The following SHROOM3 variants were observed in gnomAD, a reference collection of about 807,000 sequenced individuals.
SHROOM3 encodes the protein protein Shroom3.
Under a neutral mutation model 138.6 loss-of-function variants are expected in SHROOM3, and 47 were observed. That is an observed-to-expected ratio of 0.34 (90% CI 0.27 to 0.43). The LOEUF is 0.43. SHROOM3 is among the 20% of genes least tolerant of loss of function. The pLI, the probability that SHROOM3 is intolerant of heterozygous loss-of-function variation, is 1.00. For missense variants in SHROOM3, 2,491 were observed against 2,596.5 expected (o/e 0.96, Z 0.88); for synonymous variants, 1,062 against 1,063.3 (o/e 1.00, Z 0.02).
chr4:76,472,841 T>C (rs1310591719), intron 1 of SHROOM3, among the ~76,000 whole-genome samples: 1 of 152,058 alleles, frequency 6.6e-6, no homozygotes, highest in Non-Finnish European at 1.5e-5. Flanking sequence ...ACTACAGACA[T>C]GTGCCGCCAT....
At chr4:76,770,971 G>A (rs1401193030) in intron 10 of SHROOM3, 73 bp downstream of exon 10, 16 of 1,573,964 alleles carry the variant, frequency 1.0e-5, no homozygotes, top group Admixed American at 1.7e-5. Context: ...GCCATTAGAC[G>A]CCATCCTTTC....
At chr4:76,668,574 A>AAAACAAAC (rs71212439) in intron 2 of SHROOM3, among the ~76,000 whole-genome samples, 2 of 152,064 alleles carry the variant, frequency 1.3e-5, no homozygotes, top group African/African-American at 4.8e-5. Context: ...ACTCCGCCTC[A>AAAACAAAC]AAACAAACAA....
At chr4:76,445,776 T>A (rs1730792556) in intron 1 of SHROOM3, among the ~76,000 whole-genome samples, 1 of 152,154 alleles carries the variant, frequency 6.6e-6, no homozygotes. Context: ...CCATGGCAGG[T>A]ACTTAAACCC....
At chr4:76,651,031 A>G (rs1735944126) in intron 2 of SHROOM3, among the ~76,000 whole-genome samples, 1 of 152,196 alleles carries the variant, frequency 6.6e-6, no homozygotes. Context: ...CCAGGCACAG[A>G]AAGACAAACA....
At position 76,741,204 on chromosome 4, in the gene SHROOM3, C is replaced by T; in HGVS notation, c.3031C>T (p.Leu1011=). The T allele has an allele frequency of 6.2e-7, 1 of 1,605,476 alleles. No homozygotes were observed. The highest frequency in any genetic ancestry group is 8.5e-7 in the Non-Finnish European group (1 of 1,176,840). ...CGCCCGGAGAGGTGCTCGCCGGCGC[C>T]TGACTCCCGAGCAGAAGAAGCGCTC... ...PAARRGARRR[L]TPEQKKRSYS... The change falls in exon 5 of 11, where the codon CTG becomes TTG. Residue 1011 remains leucine (L), a synonymous_variant. Coordinates refer to ENST00000296043, the MANE Select transcript of SHROOM3 (RefSeq NM_020859.4). This position sits in a 1 kb window ranked among gnomAD's most constrained non-coding sequence, Gnocchi z 6.2.
intron 1 of SHROOM3, among the ~76,000 whole-genome samples, chr4:76,469,021 G>A (rs1383005638): frequency 1.4e-5 from 2 of 146,918 alleles, no homozygotes; most frequent in Admixed American, 1.4e-4. Flanking sequence ...GTGACAGAGC[G>A]AGATTCCATC....
Position 76,741,012 on chromosome 4 carries a change from G to C in SHROOM3, c.2839G>C (p.Glu947Gln), listed in dbSNP as rs1425989290. The C allele has an allele frequency of 6.7e-7, 1 of 1,487,240 alleles. No homozygotes were observed. Among genetic ancestry groups the C allele is most frequent in the Admixed American group, 2.6e-5 (1 of 38,688 alleles). 92.1% of individuals were successfully genotyped at this position (1,487,240 alleles called of 1,614,324 possible). Residue 947 changes from glutamate (E) to glutamine (Q), a missense_variant, in exon 5 of 11, where the codon GAG (glutamate) becomes CAG (glutamine). Physicochemically the swap from Glu to Gln is conservative, Grantham distance 29 (BLOSUM62 2). Transcript: ENST00000296043. The surrounding 1 kb of genome is among the most constrained non-coding windows in gnomAD (Gnocchi z 6.2). ...CACCTCCTTTCGACGTCGAGACCTG[G>C]AGCTGGGGGCGCCCGTGGCGTCGAG... ...GATSFRRRDLELGAPVASRSW... is the reference protein window; with the variant it reads ...GATSFRRRDLQLGAPVASRSW...
chr4:76,587,053 G>A (rs1398067056), intron 2 of SHROOM3: 5 of 152,084 alleles, frequency 3.3e-5, no homozygotes, highest in African/African-American at 4.8e-5. Context: ...AGAGAAGGTC[G>A]GATTATAAAT....
At chr4:76,443,467 A>C (rs1730739408) in intron 1 of SHROOM3, among the ~76,000 whole-genome samples, 1 of 152,238 alleles carries the variant, frequency 6.6e-6, no homozygotes, top group African/African-American at 2.4e-5. Context: ...GCTGGATCTT[A>C]ACTAATCCAT....
intron 2 of SHROOM3, among the ~76,000 whole-genome samples, chr4:76,596,624 A>ACACG (rs1491306498): frequency 1.1e-4 from 16 of 141,604 alleles, no homozygotes; most frequent in Non-Finnish European, 2.2e-4. Flanking sequence ...ACACACACAC[A>ACACG]CTCTCCAACA....
intron 3 of SHROOM3, among the ~76,000 whole-genome samples, chr4:76,719,930 C>A (rs1392386776): frequency 6.6e-6 from 1 of 152,104 alleles, no homozygotes; most frequent in Non-Finnish European, 1.5e-5. Context: ...TGCACATTAG[C>A]AGACTTCACA....
intron 3 of SHROOM3, among the ~76,000 whole-genome samples, chr4:76,716,865 G>A (rs988514622): frequency 5.9e-5 from 9 of 152,246 alleles, no homozygotes; most frequent in South Asian, 2.1e-4. Flanking sequence ...GCCAATATTT[G>A]TATAAAGAAA....
In SHROOM3 at chr4:76,572,995, T is replaced by C. The variant is rs999080731; in HGVS notation, c.323+17232T>C. ...TGCTTGGGAGGCTGAGGCAGGAGAA[T>C]TGCTTGAACCCAAGAGGAGAGGTTG... On this transcript the variant is annotated intron_variant, in intron 2 of 10. Transcript: ENST00000296043. Among the ~76,000 whole-genome samples the C allele has an allele frequency of 5.3e-5, 8 of 151,880 alleles. No homozygotes were observed. In the East Asian group the frequency reaches 1.4e-3, roughly 26 times the overall value.
At chr4:76,681,833 C>G (rs1048811530) in intron 2 of SHROOM3, among the ~76,000 whole-genome samples, 1 of 152,108 alleles carries the variant, frequency 6.6e-6, no homozygotes, top group African/African-American at 2.4e-5. Flanking sequence ...AGGTATAACA[C>G]TCTCTCCAGC....
chr4:76,493,791 C>T (rs375300018), intron 1 of SHROOM3, among the ~76,000 whole-genome samples: 34 of 152,218 alleles, frequency 2.2e-4, no homozygotes, highest in South Asian at 1.0e-3. Context: ...CCAGCCTGGC[C>T]AACATGGTGA....
At chr4:76,683,420 G>A (rs1186881418) in intron 2 of SHROOM3, among the ~76,000 whole-genome samples, 3 of 151,944 alleles carry the variant, frequency 2.0e-5, no homozygotes, top group Non-Finnish European at 4.4e-5. Context: ...TCTCCTTATA[G>A]TGTTTCTCCT....
intron 4 of SHROOM3, among the ~76,000 whole-genome samples, chr4:76,731,417 C>T (rs1720881199): frequency 6.6e-6 from 1 of 152,174 alleles, no homozygotes; most frequent in Non-Finnish European, 1.5e-5. Context: ...TATACATTAT[C>T]TCATGTAGTG....
At chr4:76,473,900 G>A (rs948602609) in intron 1 of SHROOM3, among the ~76,000 whole-genome samples, 2 of 152,148 alleles carry the variant, frequency 1.3e-5, no homozygotes, top group African/African-American at 2.4e-5. Context: ...TTTGGAAAAC[G>A]ACTGGCTATT....
intron 2 of SHROOM3, among the ~76,000 whole-genome samples, chr4:76,608,556 A>G (rs113991824): frequency 0.16 from 12,329 of 76,386 alleles, 84 homozygotes; most frequent in East Asian, 0.36. Context: ...ATAGCATAGC[A>G]TAGCATAGCA....
Sources: allele counts gnomAD v4.1 joint callset (sites outside exome capture counted in the v4.1 genomes callset), GRCh38; gene constraint gnomAD v4.1.1; non-coding constraint Gnocchi (gnomAD v3.1); transcripts MANE v1.5; gene names NCBI Gene and HGNC (gene_info 2026-07-23, HGNC 2026-07-21).